Variants in NPHP4 observed in about 807,000 individuals in gnomAD.
NPHP4 encodes the protein nephrocystin-4.
In NPHP4, 151 loss-of-function variants were observed where a neutral mutation model predicts 155.8. The ratio of observed to expected loss-of-function variants is 0.97; its 90% CI spans 0.85 to 1.11. The LOEUF (loss-of-function observed/expected upper bound fraction) is 1.11. NPHP4 is among the 50% of genes least tolerant of loss of function. NPHP4 has a pLI of 0.00. For synonymous variants in NPHP4, 845 were observed against 816.8 expected, an observed-to-expected ratio of 1.03 and a Z score of -0.59; for missense variants, 1,956 against 1,925.7, an observed-to-expected ratio of 1.02 and a Z score of -0.29.
At chr1:5,913,101 A>G (rs572590450) in intron 11 of NPHP4, among the ~76,000 whole-genome samples, 1 of 150,556 alleles carries the variant, frequency 6.6e-6, no homozygotes, top group South Asian at 2.1e-4. Context: ...CAATGAGCAG[A>G]GATCGCGCCA....
At chr1:5,876,895 CT>C in intron 20 of NPHP4, 197 bp downstream of exon 20, 1 of 420,998 alleles carries the variant, frequency 2.4e-6, no homozygotes, top group Non-Finnish European at 4.3e-6. Flanking sequence ...CAAGAACTGG[CT>C]TTTATTAAAA....
intron 11 of NPHP4, among the ~76,000 whole-genome samples, chr1:5,912,541 AAAAAAAAAAAAAAAG>A (rs1029628332): frequency 7.4e-5 from 9 of 122,056 alleles, no homozygotes; most frequent in African/African-American, 2.0e-4. Context: ...CCGTCTCAAA[AAAAAAAAAAAAAAAG>A]AAAAAAGAAA....
chr1:5,916,340 G>C (rs1319882561), intron 11 of NPHP4, among the ~76,000 whole-genome samples: 2 of 152,104 alleles, frequency 1.3e-5, no homozygotes, highest in African/African-American at 4.8e-5. Context: ...ATATAAGTTG[G>C]TGAAATACTG....
chr1:5,930,185 CTTCT>C (rs911550228), intron 10 of NPHP4, among the ~76,000 whole-genome samples: 1 of 152,118 alleles, frequency 6.6e-6, no homozygotes, highest in African/African-American at 2.4e-5. Flanking sequence ...TGTGTCCTCC[CTTCT>C]TTTTCAGTCT....
In NPHP4 at chr1:5,862,960, A is replaced by C; in HGVS notation, c.*305T>G. On this transcript the variant is annotated 3_prime_UTR_variant, in exon 30 of 30. Coordinates refer to ENST00000378156, the MANE Select transcript of NPHP4 (RefSeq NM_015102.5). ...TCATTTAGGATGATTCATAAAATACATTTTGAGCAACAGCGATAACGAGGG... is the reference window on the plus strand; with the variant it reads ...TCATTTAGGATGATTCATAAAATACCTTTTGAGCAACAGCGATAACGAGGG... The C allele has an allele frequency of 2.4e-6, 1 of 412,390 alleles. No individual in the cohort carries two copies. Among genetic ancestry groups the C allele is most frequent in the South Asian group, 4.0e-5 (1 of 24,904 alleles). The allele number at this position is 412,390 out of a possible 1,614,324, so 25.5% of individuals were successfully genotyped here.
intron 11 of NPHP4, among the ~76,000 whole-genome samples, chr1:5,912,302 G>A (rs1010226887): frequency 1.3e-5 from 2 of 152,202 alleles, no homozygotes; most frequent in African/African-American, 4.8e-5. Flanking sequence ...ACTTTGGGAG[G>A]CCGAGGCGGG....
chr1:5,927,613 A>C (rs756330865), intron 11 of NPHP4, 36 bp downstream of exon 11: 42 of 1,574,704 alleles, frequency 2.7e-5, no homozygotes, highest in Non-Finnish European at 3.6e-5. Context: ...GCTGCCTGCC[A>C]TGTGCCTGGC....
At chr1:5,973,311 G>A (rs762324198) in intron 3 of NPHP4, among the ~76,000 whole-genome samples, 18 of 152,370 alleles carry the variant, frequency 1.2e-4, no homozygotes, top group Admixed American at 1.3e-4. Context: ...GACGCCCATG[G>A]CGAAAGCCAG....
At chr1:5,943,369 G>C (rs1646924082) in intron 9 of NPHP4, among the ~76,000 whole-genome samples, 2 of 152,216 alleles carry the variant, frequency 1.3e-5, no homozygotes, top group Non-Finnish European at 2.9e-5. Flanking sequence ...CCTGAACACA[G>C]TATTTGTTCC....
rs116686092 is a variant in NPHP4, at chr1:5,956,042, A to G, written c.674-3206T>C. ...ACAGTAAGCCAAGAAACATTTTAACAGAATGTTTCAAAAAGCTGGGGGGGG... is the reference window on the plus strand; with the variant it reads ...ACAGTAAGCCAAGAAACATTTTAACGGAATGTTTCAAAAAGCTGGGGGGGG... On this transcript the variant is annotated intron_variant, in intron 6 of 29. Coordinates refer to ENST00000378156, the MANE Select transcript of NPHP4 (RefSeq NM_015102.5). 2.1e-3 allele frequency among the ~76,000 whole-genome samples: 256 copies of G among 119,990 alleles called. 2 individuals are homozygous for G. The highest frequency in any genetic ancestry group is 7.2e-3 in the African/African-American group (238 of 32,902). 78.7% of individuals were successfully genotyped at this position (119,990 alleles called of 152,430 possible).
At chr1:5,951,685 G>A (rs1648092253) in intron 7 of NPHP4, among the ~76,000 whole-genome samples, 2 of 152,208 alleles carry the variant, frequency 1.3e-5, no homozygotes, top group African/African-American at 2.4e-5. Context: ...AGTTCATCAG[G>A]CCCAATTTTT....
At chr1:5,937,222 G>C (rs775346452) in intron 9 of NPHP4, among the ~76,000 whole-genome samples, 1 of 151,972 alleles carries the variant, frequency 6.6e-6, no homozygotes, top group Non-Finnish European at 1.5e-5. Context: ...GGAGGAGCTG[G>C]GCCCCACCAC....
intron 18 of NPHP4, 116 bp downstream of exon 18, chr1:5,887,170 C>T (rs1643868914): frequency 7.1e-6 from 7 of 988,628 alleles, no homozygotes; most frequent in South Asian, 3.4e-5. Context: ...AGAATTCTCC[C>T]GGTTTCCTCC....
chr1:5,884,768 A>AC (rs1342876845), intron 18 of NPHP4, among the ~76,000 whole-genome samples: 136 of 107,634 alleles, frequency 1.3e-3, no homozygotes, highest in Non-Finnish European at 2.1e-3. Flanking sequence ...TCCCTGCCAA[A>AC]CCCCCATCCT....
At chr1:5,864,927 T>C (rs1425908826) in intron 27 of NPHP4, 175 bp downstream of exon 27, 3 of 629,312 alleles carry the variant, frequency 4.8e-6, no homozygotes, top group African/African-American at 1.8e-5. Context: ...CACCCCACAA[T>C]GGCACATCTA....
chr1:5,889,864 G>A lies in NPHP4; in HGVS notation c.2304+1004C>T, dbSNP rs372439416. Among the ~76,000 whole-genome samples, 11 of 152,324 alleles carry A rather than the reference G, an allele frequency of 7.2e-5. No homozygotes were observed. Among genetic ancestry groups the A allele is most frequent in the African/African-American group, 1.7e-4 (7 of 41,570 alleles). The stretch of plus-strand genomic sequence containing the variant: ...GCCACCTGCAGACCCCACCCTGAAC[G>A]TTCTGTGCACAGCCCACCACCCTGG... On this transcript the variant is annotated intron_variant, in intron 17 of 29. Coordinates refer to ENST00000378156, the MANE Select transcript of NPHP4 (RefSeq NM_015102.5). This position sits in a 1 kb window ranked among gnomAD's most constrained non-coding sequence, Gnocchi z 4.2.
At position 5,867,083 on chromosome 1, in the gene NPHP4, G is replaced by A; in HGVS notation, c.3505C>T (p.Pro1169Ser). 6.2e-7 allele frequency: 1 copy of A among 1,613,014 alleles called. No individual in the cohort carries two copies. Among genetic ancestry groups the A allele is most frequent in the South Asian group, 1.1e-5 (1 of 90,752 alleles). Residue 1169 changes from proline (P) to serine (S), a missense_variant, in exon 25 of 30, where the codon CCA becomes TCA. Coordinates refer to ENST00000378156, the MANE Select transcript of NPHP4 (RefSeq NM_015102.5). This position sits in a 1 kb window ranked among gnomAD's most constrained non-coding sequence, Gnocchi z 4.1. ...GGGTCGCTGCAGCGAACATGGACTG[G>A]GGGGTCCTCACCAAGCATTCCCACC... ...APVGMLGEDP[P>S]VHVRCSDPNV...
intron 7 of NPHP4, among the ~76,000 whole-genome samples, chr1:5,952,033 C>T (rs1469619767): frequency 6.6e-6 from 1 of 152,224 alleles, no homozygotes; most frequent in Non-Finnish European, 1.5e-5. Context: ...GATGGACAAG[C>T]CCTCCAGACG....
At chr1:5,918,917 G>T (rs7539796) in intron 11 of NPHP4, among the ~76,000 whole-genome samples, 7,794 of 152,230 alleles carry the variant, frequency 0.051, 310 homozygotes, top group African/African-American at 0.12. Flanking sequence ...CTTGCCTTTT[G>T]TTTAAACTAT....
Sources: allele counts gnomAD v4.1 joint callset (sites outside exome capture counted in the v4.1 genomes callset), GRCh38; gene constraint gnomAD v4.1.1; non-coding constraint Gnocchi (gnomAD v3.1); transcripts MANE v1.5; gene names NCBI Gene and HGNC (gene_info 2026-07-23, HGNC 2026-07-21).